PBX1: variants seen among roughly 807,000 people sequenced by gnomAD.
PBX1 encodes the protein pre-B-cell leukemia transcription factor 1.
A neutral mutation model predicts 53.4 loss-of-function variants in PBX1; 6 were observed. The observed-to-expected ratio is 0.11, with a 90% CI of 0.06 to 0.22. The LOEUF (loss-of-function observed/expected upper bound fraction) is 0.22, where lower values mean the gene tolerates loss of function less well. Among genes scored for constraint, PBX1 ranks in the 10% least tolerant of loss-of-function variants. The probability of loss-of-function intolerance (pLI) is 1.00; values close to 1 mark genes in which losing one functional copy is unlikely to be tolerated. For missense variants in PBX1, 251 were observed against 551.4 expected (o/e 0.46, Z 5.46); for synonymous variants, 204 against 212.3 (o/e 0.96, Z 0.34).
chr1:164,566,836 A>G (rs928038069), intron 2 of PBX1, among the ~76,000 whole-genome samples: 1 of 152,202 alleles, frequency 6.6e-6, no homozygotes, highest in African/African-American at 2.4e-5. Flanking sequence ...TTTAGAACAT[A>G]ATAGCTATAT....
chr1:164,589,150 C>T (rs1009178136), intron 2 of PBX1, among the ~76,000 whole-genome samples: 1 of 151,954 alleles, frequency 6.6e-6, no homozygotes, highest in African/African-American at 2.4e-5. Flanking sequence ...GGGAGAGGGG[C>T]AGTGGGGGAG....
At chr1:164,638,517 C>T (rs990934199) in intron 2 of PBX1, among the ~76,000 whole-genome samples, 3 of 152,166 alleles carry the variant, frequency 2.0e-5, no homozygotes, top group African/African-American at 7.2e-5. Flanking sequence ...TCTACTGAGC[C>T]CGAGCCTTTA....
intron 2 of PBX1, among the ~76,000 whole-genome samples, chr1:164,674,049 A>C (rs1661284063): frequency 6.6e-6 from 1 of 152,192 alleles, no homozygotes; most frequent in Non-Finnish European, 1.5e-5. Context: ...CAGAACATAG[A>C]GTTTCTAACA....
intron 2 of PBX1, among the ~76,000 whole-genome samples, chr1:164,565,700 C>T (rs1388113284): frequency 1.3e-5 from 2 of 151,724 alleles, no homozygotes; most frequent in Non-Finnish European, 2.9e-5. Flanking sequence ...GCATATCTTT[C>T]ATGCAGTTGA....
intron 8 of PBX1, 94 bp downstream of exon 8, chr1:164,821,720 G>A (rs1464792282): frequency 1.1e-6 from 1 of 899,990 alleles, no homozygotes; most frequent in Non-Finnish European, 1.8e-6. Flanking sequence ...CACTTAGTAG[G>A]GCTTATCTTA....
intron 3 of PBX1, among the ~76,000 whole-genome samples, chr1:164,799,270 C>T (rs536151049): frequency 6.6e-6 from 1 of 152,274 alleles, no homozygotes; most frequent in Non-Finnish European, 1.5e-5. Context: ...GCGGGGGGAT[C>T]ACGAGGTCAG....
At chr1:164,666,215 G>A (rs1660800556) in intron 2 of PBX1, among the ~76,000 whole-genome samples, 1 of 152,118 alleles carries the variant, frequency 6.6e-6, no homozygotes, top group South Asian at 2.1e-4. Context: ...TCTCCTGGGG[G>A]TTTCTCAACT....
At chr1:164,808,466 T>A (rs1669455700) in intron 5 of PBX1, among the ~76,000 whole-genome samples, 1 of 152,194 alleles carries the variant, frequency 6.6e-6, no homozygotes, top group African/African-American at 2.4e-5. Flanking sequence ...AATTCTGAAA[T>A]CTATCGGAGA....
intron 2 of PBX1, among the ~76,000 whole-genome samples, chr1:164,759,157 TAA>T (rs1311344273): frequency 6.6e-6 from 1 of 152,186 alleles, no homozygotes; most frequent in African/African-American, 2.4e-5. Context: ...TCCTACTATC[TAA>T]AAAAATATGC....
At chr1:164,775,319 G>C (rs1033295162) in intron 2 of PBX1, among the ~76,000 whole-genome samples, 10 of 152,152 alleles carry the variant, frequency 6.6e-5, no homozygotes, top group Admixed American at 2.0e-4. Context: ...GGTTTGCAAG[G>C]CGATCTTAGT....
chr1:164,856,982 G>C (rs1160446568), intron 2 of PBX1, among the ~76,000 whole-genome samples: 1 of 152,064 alleles, frequency 6.6e-6, no homozygotes, highest in Non-Finnish European at 1.5e-5. Flanking sequence ...GGTTCTTCCT[G>C]ATGCCACTTC....
intron 2 of PBX1, among the ~76,000 whole-genome samples, chr1:164,733,404 A>G (rs1172247979): frequency 6.6e-6 from 1 of 152,190 alleles, no homozygotes; most frequent in African/African-American, 2.4e-5. Flanking sequence ...CCAAGGGTAC[A>G]TAGGGCCTTA....
At chr1:164,642,680 C>T (rs1659217326) in intron 2 of PBX1, 1 of 152,158 alleles carries the variant, frequency 6.6e-6, no homozygotes, top group East Asian at 1.9e-4. Context: ...AACATGTGCT[C>T]TTTGCCTCAC....
chr1:164,724,002 T>C (rs753027999), intron 2 of PBX1, among the ~76,000 whole-genome samples: 1 of 152,194 alleles, frequency 6.6e-6, no homozygotes, highest in African/African-American at 2.4e-5. Flanking sequence ...TCTGTGGGTC[T>C]ACCTGAACAC....
intron 2 of PBX1, among the ~76,000 whole-genome samples, chr1:164,785,229 A>G (rs1413328438): frequency 6.6e-6 from 1 of 152,148 alleles, no homozygotes; most frequent in African/African-American, 2.4e-5. Flanking sequence ...AAATTTAGAA[A>G]ACAGAATCAT....
intron 2 of PBX1, among the ~76,000 whole-genome samples, chr1:164,765,669 A>G (rs1167885404): frequency 6.6e-6 from 1 of 152,198 alleles, no homozygotes; most frequent in Admixed American, 6.5e-5. Context: ...TTACAGATGA[A>G]GAAACAACTG....
chr1:164,737,409 AC>A lies in PBX1; in HGVS notation c.266-55083del, dbSNP rs564604810. Among the ~76,000 whole-genome samples, 583 of 152,166 alleles carry A rather than the reference AC, an allele frequency of 3.8e-3. 4 individuals carry two copies. The highest frequency in any genetic ancestry group is 0.014 in the African/African-American group (564 of 41,520). On this transcript the variant is annotated intron_variant, in intron 2 of 8. Coordinates refer to ENST00000420696, the MANE Select transcript of PBX1 (RefSeq NM_002585.4). ...GAGGTATAATTCACATAAATAATTC[AC>A]CAATTTTAAGTATACAGTTTGATGA...
chr1:164,587,410 T>G (rs1031791604), intron 2 of PBX1, among the ~76,000 whole-genome samples: 1 of 152,124 alleles, frequency 6.6e-6, no homozygotes, highest in Admixed American at 6.5e-5. Context: ...TATGAATGAT[T>G]AATAAGATCC....
intron 2 of PBX1, among the ~76,000 whole-genome samples, chr1:164,688,192 C>A (rs192467718): frequency 1.8e-4 from 27 of 152,204 alleles, no homozygotes; most frequent in African/African-American, 6.5e-4. Flanking sequence ...CGTGTGCATC[C>A]GCCTTTAGAC....
Sources: gnomAD v4.1 joint callset for allele counts (sites outside exome capture counted in the v4.1 genomes callset) on GRCh38, gnomAD v4.1.1 for gene constraint, MANE v1.5 for transcripts, NCBI Gene and HGNC (gene_info 2026-07-23, HGNC 2026-07-21) for gene names.